DOCK8: variants seen among roughly 807,000 people sequenced by gnomAD.
The protein encoded by DOCK8 is dedicator of cytokinesis protein 8.
In DOCK8, 141 loss-of-function variants were observed where a neutral mutation model predicts 245.6. That is an observed-to-expected ratio of 0.57 (90% CI 0.50 to 0.66). The LOEUF (loss-of-function observed/expected upper bound fraction) is 0.66, where lower values mean the gene tolerates loss of function less well. Ranked by LOEUF, DOCK8 falls within the 30% of genes least tolerant of loss-of-function variation. The pLI, the probability that DOCK8 is intolerant of heterozygous loss-of-function variation, is 0.00. For synonymous variants in DOCK8, 1,168 were observed against 970.2 expected (o/e 1.20, Z -3.79); for missense variants, 2,965 against 2,603.4 (o/e 1.14, Z -3.02).
intron 44 of DOCK8, 133 bp from the exon 45 acceptor site, chr9:449,651 A>AT: frequency 8.9e-7 from 1 of 1,128,216 alleles, no homozygotes; most frequent in Non-Finnish European, 1.3e-6. Flanking sequence ...TGTTAAGAGT[A>AT]TTTTAAATTA....
chr9:379,101 T>C (rs1312250975), intron 20 of DOCK8, among the ~76,000 whole-genome samples: 2 of 152,266 alleles, frequency 1.3e-5, no homozygotes, highest in Admixed American at 6.5e-5. Context: ...GCAGGCATGA[T>C]GGGACAATAC....
At chr9:278,686 A>G (rs113247500) in intron 2 of DOCK8, among the ~76,000 whole-genome samples, 4 of 152,360 alleles carry the variant, frequency 2.6e-5, no homozygotes, top group Admixed American at 2.0e-4. Flanking sequence ...TGAAGGAAAA[A>G]TATTCCAGTC....
intron 4 of DOCK8, among the ~76,000 whole-genome samples, chr9:291,791 A>G (rs1446540374): frequency 2.0e-5 from 3 of 151,750 alleles, no homozygotes; most frequent in African/African-American, 7.3e-5. Context: ...TGCCGGGCGC[A>G]GTGGCTCACA....
intron 32 of DOCK8, 129 bp downstream of exon 32, chr9:421,207 G>T: frequency 1.6e-6 from 2 of 1,272,592 alleles, no homozygotes; most frequent in South Asian, 2.5e-5. Flanking sequence ...CAGAGACAGC[G>T]GATTCTGGGA....
intron 14 of DOCK8, among the ~76,000 whole-genome samples, chr9:360,854 G>A (rs2052694567): frequency 6.6e-6 from 1 of 152,144 alleles, no homozygotes. Context: ...GAGGAATGGA[G>A]TGCTCCCTCA....
intron 36 of DOCK8, 36 bp downstream of exon 36, chr9:429,890 G>A (rs763846989): frequency 1.2e-6 from 2 of 1,611,694 alleles, no homozygotes; most frequent in Non-Finnish European, 1.7e-6. Context: ...CCTGGAATCA[G>A]TAGAGAAAAA....
In DOCK8 at chr9:326,578, A is replaced by G. The variant is rs185177159; in HGVS notation, c.894+841A>G. Among the ~76,000 whole-genome samples the G allele has an allele frequency of 1.1e-4, 16 of 152,330 alleles. No homozygotes were observed. The East Asian group carries it at 3.1e-3, about 29-fold the overall frequency. ...CCTGCTGATGCTGAAGCTACTGGTC[A>G]GGGGACCACATTTTGAAAACCGCTG... On this transcript the variant is annotated intron_variant, in intron 8 of 47. Coordinates refer to ENST00000432829, the MANE Select transcript of DOCK8 (RefSeq NM_203447.4).
At chr9:352,970 A>G (rs187545817) in intron 14 of DOCK8, among the ~76,000 whole-genome samples, 21 of 152,202 alleles carry the variant, frequency 1.4e-4, no homozygotes, top group African/African-American at 4.8e-4. Context: ...ATGCCTGGCA[A>G]TACTCGTCAC....
intron 1 of DOCK8, among the ~76,000 whole-genome samples, chr9:229,500 G>T (rs576913359): frequency 5.3e-5 from 8 of 152,144 alleles, no homozygotes; most frequent in Non-Finnish European, 1.2e-4. Flanking sequence ...GAGCTGTCTG[G>T]TCCAGAGATA....
chr9:323,185 G>A (rs916969860), intron 7 of DOCK8, among the ~76,000 whole-genome samples: 1 of 149,604 alleles, frequency 6.7e-6, no homozygotes, highest in African/African-American at 2.5e-5. Flanking sequence ...GGGCTTTTCG[G>A]TGGTAAAATG....
intron 1 of DOCK8, among the ~76,000 whole-genome samples, chr9:221,572 G>T (rs530563274): frequency 3.3e-5 from 5 of 151,890 alleles, no homozygotes; most frequent in African/African-American, 1.2e-4. Flanking sequence ...AGCACTTTTG[G>T]AGGCCAAGGT....
intron 38 of DOCK8, 35 bp downstream of exon 38, chr9:434,010 TG>T (rs1178898516): frequency 3.3e-6 from 5 of 1,493,054 alleles, no homozygotes; most frequent in Non-Finnish European, 3.7e-6. Context: ...GGACACCATT[TG>T]GGGGTCGAGG....
intron 24 of DOCK8, among the ~76,000 whole-genome samples, chr9:396,081 ACTGT>A (rs910695490): frequency 6.6e-6 from 1 of 152,032 alleles, no homozygotes; most frequent in African/African-American, 2.4e-5. Context: ...TCATTTGGTG[ACTGT>A]CTGCATTATG....
At chr9:398,402 G>C (rs1489098786) in intron 25 of DOCK8, among the ~76,000 whole-genome samples, 1 of 152,162 alleles carries the variant, frequency 6.6e-6, no homozygotes, top group Non-Finnish European at 1.5e-5. Flanking sequence ...AAGCAAAATA[G>C]TTTCAAACCA....
intron 38 of DOCK8, among the ~76,000 whole-genome samples, chr9:434,415 T>C (rs917679328): frequency 6.6e-6 from 1 of 152,178 alleles, no homozygotes; most frequent in Non-Finnish European, 1.5e-5. Flanking sequence ...GGCAAAATTG[T>C]TCTGATGCAA....
Position 418,077 on chromosome 9 carries a change from C to G in DOCK8, c.3710C>G (p.Thr1237Ser). ...GATGTTTTCATTGCAGTTGCAGATA[C>G]TCGCAGATACCGCACCAGTGGCTCG... ...PQLCDFTVAD[T>S]RRYRTSGSDE... is the part of the protein sequence containing the mutation. Residue 1237 changes from threonine to serine, a missense_variant, in exon 30 of 48, where the codon ACT becomes AGT. Physicochemically the swap from Thr to Ser is moderately conservative, Grantham distance 58. This residue lies in a region of DOCK8 where 2,825 missense variants were observed against 2,453.5 expected (regional missense o/e 1.15). Transcript: ENST00000432829. The G allele has an allele frequency of 3.1e-6, 5 of 1,614,202 alleles. No homozygotes were observed. Among genetic ancestry groups the G allele is most frequent in the Non-Finnish European group, 4.2e-6 (5 of 1,180,036 alleles).
At chr9:359,510 T>G (rs778870999) in intron 14 of DOCK8, among the ~76,000 whole-genome samples, 11 of 152,228 alleles carry the variant, frequency 7.2e-5, no homozygotes, top group Non-Finnish European at 1.6e-4. Context: ...GGTAGTGAAA[T>G]ATGAATGATA....
intron 9 of DOCK8, among the ~76,000 whole-genome samples, chr9:330,745 A>G (rs117892380): frequency 0.011 from 1,670 of 152,330 alleles, 12 homozygotes; most frequent in Middle Eastern, 0.041. Flanking sequence ...GTTTTAGGTT[A>G]ATCTGATAGG....
intron 29 of DOCK8, among the ~76,000 whole-genome samples, chr9:415,541 G>T (rs2055955692): frequency 6.8e-6 from 1 of 148,046 alleles, no homozygotes; most frequent in Admixed American, 6.6e-5. Context: ...TGAAACCCCA[G>T]AATCTATTTA....
Sources: gnomAD v4.1 joint callset for allele counts (sites outside exome capture counted in the v4.1 genomes callset) on GRCh38, gnomAD v4.1.1 for gene constraint, gnomAD v4.1.1 regional missense constraint, MANE v1.5 for transcripts, NCBI Gene and HGNC (gene_info 2026-07-23, HGNC 2026-07-21) for gene names.